The following DENND6A variants were observed in gnomAD, a reference collection of about 807,000 sequenced individuals.
DENND6A encodes DENN domain containing 6A.
DENND6A carries 43 observed loss-of-function variants against 95.5 expected under a neutral mutation model. That is an observed-to-expected ratio of 0.45 (90% CI 0.35 to 0.58). DENND6A has a LOEUF of 0.58. Ranked by LOEUF, DENND6A falls within the 20% of genes least tolerant of loss-of-function variation. The pLI, the probability that DENND6A is intolerant of heterozygous loss-of-function variation, is 0.00. For synonymous variants in DENND6A, 257 were observed against 260.4 expected (o/e 0.99, Z 0.13); for missense variants, 574 against 736.0 (o/e 0.78, Z 2.55).
intron 9 of DENND6A, among the ~76,000 whole-genome samples, chr3:57,651,148 G>A (rs2071201624): frequency 6.6e-6 from 1 of 152,108 alleles, no homozygotes; most frequent in Non-Finnish European, 1.5e-5. Context: ...ATGTTACAAT[G>A]GGTCGACTTA....
chr3:57,633,271 A>G lies in DENND6A; in HGVS notation c.1347T>C (p.Ile449=). 6.2e-7 allele frequency: 1 copy of G among 1,611,970 alleles called. No homozygotes were observed. The highest frequency in any genetic ancestry group is 1.1e-5 in the South Asian group (1 of 90,916). ...YFLELTQSFI[I]PLERYVASLM... ...AATTTATTTATTAACTTACTAATGG[A>G]ATGATGAAACTTTGTGTCAGTTCCA... Residue 449 remains isoleucine (I), a synonymous_variant, in exon 15 of 20, where the codon ATT becomes ATC. Coordinates refer to ENST00000311128, the MANE Select transcript of DENND6A (RefSeq NM_152678.3).
rs552165465 is a variant in DENND6A, at chr3:57,661,534, G to A, written c.531C>T (p.Ser177=). The part of the protein sequence containing the change: ...GYFQKSLVLI[S]KLPYIHFFHT... Reference sequence around the variant, plus strand: ...GAAAAAAATGAATATAAGGTAGTTTGCTGATCAAAACCAAGGACTGAGGAA... The same window carrying A: ...GAAAAAAATGAATATAAGGTAGTTTACTGATCAAAACCAAGGACTGAGGAA... The change falls in exon 6 of 20, where the codon AGC becomes AGT. Residue 177 remains serine, a synonymous_variant. Transcript: ENST00000311128. 1 of 1,579,574 alleles carries A rather than the reference G, an allele frequency of 6.3e-7. No individual in the cohort carries two copies. Among genetic ancestry groups the A allele is most frequent in the Admixed American group, 2.1e-5 (1 of 47,738 alleles).
At chr3:57,631,473 C>T (rs1167623268) in intron 15 of DENND6A, among the ~76,000 whole-genome samples, 2 of 152,120 alleles carry the variant, frequency 1.3e-5, no homozygotes, top group Non-Finnish European at 2.9e-5. Context: ...GGATTACAGG[C>T]GTGAACTACC....
At position 57,644,845 on chromosome 3, in the gene DENND6A, A is replaced by G. The variant is rs1178092721; in HGVS notation, c.1037+816T>C. Reference sequence around the variant, plus strand: ...GGGAAAGACAGAAAGAAAAGGAAAAACAGGGCAATGATATGCCCACTGGGT... The same window carrying G: ...GGGAAAGACAGAAAGAAAAGGAAAAGCAGGGCAATGATATGCCCACTGGGT... On this transcript the variant is annotated intron_variant, in intron 11 of 19. Coordinates refer to ENST00000311128, the MANE Select transcript of DENND6A (RefSeq NM_152678.3). 3.7e-5 allele frequency among the ~76,000 whole-genome samples: 5 copies of G among 136,482 alleles called. No individual in the cohort carries two copies. The Admixed American group carries it at 4.0e-4, about 11-fold the overall frequency. The allele number at this position is 136,482 out of a possible 152,430, so 89.5% of individuals were successfully genotyped here.
intron 11 of DENND6A, among the ~76,000 whole-genome samples, chr3:57,644,164 A>AC (rs1203229745): frequency 7.9e-5 from 12 of 151,828 alleles, no homozygotes; most frequent in Admixed American, 2.0e-4. Flanking sequence ...AAAAAAAAAA[A>AC]AAACTATCAG....
At chr3:57,668,386 T>C (rs2071560282) in intron 3 of DENND6A, among the ~76,000 whole-genome samples, 1 of 152,222 alleles carries the variant, frequency 6.6e-6, no homozygotes, top group Admixed American at 6.5e-5. Flanking sequence ...TCTCTACTAA[T>C]GCTGAGTTTT....
rs140665318 is a variant in DENND6A at position 57,657,706 on chromosome 3, A to T, written c.792T>A (p.Pro264=). The T allele has an allele frequency of 5.0e-4, 798 of 1,584,286 alleles. 2 individuals carry two copies. The African/African-American group carries it at 9.9e-3, about 20-fold the overall frequency. Reference sequence around the variant, plus strand: ...TGAAAATATCCACCTCATGAACAGTAGGTAAAATAACAGATATATTTGTGT... The same window carrying T: ...TGAAAATATCCACCTCATGAACAGTTGGTAAAATAACAGATATATTTGTGT... The part of the protein sequence containing the change: ...QVDTNISVIL[P]TVHEVDIFRC... The change falls in exon 9 of 20, where the codon CCT becomes CCA. Residue 264 remains proline (P), a synonymous_variant. Coordinates refer to ENST00000311128, the MANE Select transcript of DENND6A (RefSeq NM_152678.3).
At chr3:57,671,117 T>C (rs2071608895) in intron 3 of DENND6A, among the ~76,000 whole-genome samples, 1 of 151,916 alleles carries the variant, frequency 6.6e-6, no homozygotes, top group South Asian at 2.1e-4. Flanking sequence ...GAGTTCCAAA[T>C]GGATAGGAAA....
At chr3:57,691,027 T>C (rs1309774691) in intron 1 of DENND6A, among the ~76,000 whole-genome samples, 1 of 152,244 alleles carries the variant, frequency 6.6e-6, no homozygotes, top group Non-Finnish European at 1.5e-5. Flanking sequence ...AAATAAGTCC[T>C]TTAATAATTC....
chr3:57,646,875 G>C (rs1394963269), intron 9 of DENND6A, among the ~76,000 whole-genome samples: 5 of 152,136 alleles, frequency 3.3e-5, no homozygotes, highest in Non-Finnish European at 1.5e-5. Flanking sequence ...TGACATTAAA[G>C]AATGATGACA....
intron 15 of DENND6A, among the ~76,000 whole-genome samples, chr3:57,631,678 A>G (rs1376589551): frequency 2.0e-5 from 3 of 150,078 alleles, no homozygotes; most frequent in African/African-American, 7.4e-5. Flanking sequence ...TACAATTTAG[A>G]CTTGAAATGA....
chr3:57,677,234 T>C (rs916204832), intron 1 of DENND6A, among the ~76,000 whole-genome samples: 1 of 152,206 alleles, frequency 6.6e-6, no homozygotes, highest in Non-Finnish European at 1.5e-5. Flanking sequence ...TCTATTCCTA[T>C]GGCCTATCAT....
In DENND6A at chr3:57,672,276, G is replaced by C; in HGVS notation, c.299C>G (p.Ser100Cys). ...DREKTNICYLSFPDSNSGCLG... is the reference protein window; with the variant it reads ...DREKTNICYLCFPDSNSGCLG... Reference sequence around the variant, plus strand: ...GTTACCTGAATTTGAATCTGGAAAAGACAAATAGCAAATATTGGTTTTCTG... The same window carrying C: ...GTTACCTGAATTTGAATCTGGAAAACACAAATAGCAAATATTGGTTTTCTG... Residue 100 changes from serine to cysteine, a missense_variant, in exon 3 of 20, where the codon TCT becomes TGT. Around this residue, in one of 2 missense-constraint regions of DENND6A, gnomAD observed 452 missense variants for 630.9 expected, o/e 0.72. Coordinates refer to ENST00000311128, the MANE Select transcript of DENND6A (RefSeq NM_152678.3). The C allele has an allele frequency of 6.2e-7, 1 of 1,610,000 alleles. No homozygotes were observed. Among genetic ancestry groups the C allele is most frequent in the Non-Finnish European group, 8.5e-7 (1 of 1,178,756 alleles).
Position 57,646,303 on chromosome 3 carries a change from C to G in DENND6A, c.941+13G>C. The stretch of plus-strand genomic sequence containing the variant: ...AAAAAAAAAACCCAGAAATAGTAAC[C>G]AAATAGACTCACTTAACAAGTGCCA... On this transcript the variant is annotated intron_variant, in intron 10 of 19. Coordinates refer to ENST00000311128, the MANE Select transcript of DENND6A (RefSeq NM_152678.3). 6.3e-7 allele frequency: 1 copy of G among 1,599,322 alleles called. No individual in the cohort carries two copies. The highest frequency in any genetic ancestry group is 1.1e-5 in the South Asian group (1 of 87,198).
chr3:57,682,758 C>T (rs1346586090), intron 1 of DENND6A, among the ~76,000 whole-genome samples: 2 of 152,152 alleles, frequency 1.3e-5, no homozygotes, highest in Non-Finnish European at 2.9e-5. Context: ...TCACTGCAAC[C>T]TCCAACTCCC....
At chr3:57,667,396 A>C (rs1475567935) in intron 3 of DENND6A, among the ~76,000 whole-genome samples, 1 of 152,022 alleles carries the variant, frequency 6.6e-6, no homozygotes, top group Non-Finnish European at 1.5e-5. Flanking sequence ...GGCTCAAGTG[A>C]TCCTCCCACG....
intron 9 of DENND6A, among the ~76,000 whole-genome samples, chr3:57,648,611 A>C (rs1212846120): frequency 2.6e-5 from 4 of 152,214 alleles, no homozygotes; most frequent in Non-Finnish European, 2.9e-5. Flanking sequence ...ATCTGCCTTC[A>C]AACTACACTG....
chr3:57,667,973 G>A (rs1459962183), intron 3 of DENND6A, among the ~76,000 whole-genome samples: 1 of 152,006 alleles, frequency 6.6e-6, no homozygotes, highest in Admixed American at 6.5e-5. Context: ...GGCTGAGGCA[G>A]GAGAATTTCT....
At chr3:57,686,610 CT>C (rs2077213656) in intron 1 of DENND6A, among the ~76,000 whole-genome samples, 1 of 152,164 alleles carries the variant, frequency 6.6e-6, no homozygotes, top group African/African-American at 2.4e-5. Flanking sequence ...ATATTTCAAA[CT>C]TTTTTGTTAC....
Sources: allele counts gnomAD v4.1 joint callset (sites outside exome capture counted in the v4.1 genomes callset), GRCh38; gene constraint gnomAD v4.1.1; regional missense constraint gnomAD v4.1.1; transcripts MANE v1.5; gene names NCBI Gene and HGNC (gene_info 2026-07-23, HGNC 2026-07-21).